TMEM217: variants seen among roughly 807,000 people sequenced by gnomAD.
TMEM217 encodes chromosome 6 open reading frame 128.
For synonymous variants in TMEM217, 76 were observed against 88.3 expected (o/e 0.86, Z 0.78); for missense variants, 204 against 248.8 (o/e 0.82, Z 1.21).
At chr6:37,216,860 G>T (rs995799974), downstream of TMEM217, among the ~76,000 whole-genome samples, 6 of 152,136 alleles carry the variant, frequency 3.9e-5, no homozygotes, top group Non-Finnish European at 8.8e-5. Context: ...CATCCCTTCT[G>T]CCATGTAAGG....
At chr6:37,239,970 T>G (rs1764683157) in intron 1 of TMEM217, among the ~76,000 whole-genome samples, 1 of 151,980 alleles carries the variant, frequency 6.6e-6, no homozygotes, top group Admixed American at 6.5e-5. Context: ...AACTAGAAAT[T>G]TATTTTCTTC....
At chr6:37,214,384 T>C (rs912197454), downstream of TMEM217, among the ~76,000 whole-genome samples, 1 of 152,128 alleles carries the variant, frequency 6.6e-6, no homozygotes, top group African/African-American at 2.4e-5. Flanking sequence ...TGCGCCAGCA[T>C]GCCCAGCTAA....
intron 1 of TMEM217, among the ~76,000 whole-genome samples, chr6:37,224,490 C>T (rs867412313): frequency 5.3e-5 from 8 of 151,474 alleles, no homozygotes; most frequent in East Asian, 2.0e-4. Flanking sequence ...CCCAGCTACT[C>T]GGGAGGCTGA....
intron 1 of TMEM217, among the ~76,000 whole-genome samples, chr6:37,229,337 T>TTTG (rs1764043117): frequency 2.5e-5 from 3 of 119,610 alleles, no homozygotes; most frequent in Non-Finnish European, 3.5e-5. Context: ...AACTTTCAGT[T>TTTG]TTTTTTTTTT....
chr6:37,217,723 C>G (rs1763290909), exon 2 of TMEM217: 1 of 985,198 alleles, frequency 1.0e-6, no homozygotes, highest in African/African-American at 1.7e-5. Flanking sequence ...CAAACCCACC[C>G]CAGGGCCAAC....
At chr6:37,214,599 C>T (rs1763085420), downstream of TMEM217, among the ~76,000 whole-genome samples, 2 of 152,194 alleles carry the variant, frequency 1.3e-5, no homozygotes, top group Non-Finnish European at 2.9e-5. Flanking sequence ...CCATTCTCCT[C>T]TTCCCCCGCT....
chr6:37,229,146 C>G (rs1764027171), intron 1 of TMEM217, among the ~76,000 whole-genome samples: 1 of 152,050 alleles, frequency 6.6e-6, no homozygotes, highest in South Asian at 2.1e-4. Flanking sequence ...TTGATAGTTT[C>G]AAGAGGGAGG....
chr6:37,212,451 A>G (rs1427067793), exon 4 of TMEM217: 3 of 440,790 alleles, frequency 6.8e-6, no homozygotes, highest in South Asian at 4.8e-5. Context: ...CCAGACGGAC[A>G]GGTAGTCATG....
intron 1 of TMEM217, among the ~76,000 whole-genome samples, chr6:37,254,504 T>C (rs572724284): frequency 6.6e-6 from 1 of 152,316 alleles, no homozygotes; most frequent in South Asian, 2.1e-4. Flanking sequence ...GAATACAATC[T>C]TTCTCAGAGA....
rs1764039962 is a variant in TMEM217, at chr6:37,229,335, G to GTTTC, written c.-11-10295_-11-10294insGAAA. Among the ~76,000 whole-genome samples the GTTTC allele has an allele frequency of 2.7e-5, 2 of 74,368 alleles. 1 individual carries two copies. The highest frequency in any genetic ancestry group is 4.7e-5 in the Non-Finnish European group (2 of 42,876). The allele number at this position is 74,368 out of a possible 152,430, so 48.8% of individuals were successfully genotyped here. A position where few individuals can be genotyped will look rare whatever the true frequency, so the allele number is the denominator to read the frequency against. On this transcript the variant is annotated intron_variant, in intron 1 of 1. Coordinates refer to ENST00000357219, the Ensembl canonical transcript of TMEM217. ...TGACTCGTCTCCCTAGCAACTTTCA[G>GTTTC]TTTTTTTTTTTTTTTTTTTTTTTTT...
intron 1 of TMEM217, among the ~76,000 whole-genome samples, chr6:37,219,976 A>C (rs1763418625): frequency 6.6e-6 from 1 of 152,222 alleles, no homozygotes; most frequent in South Asian, 2.1e-4. Flanking sequence ...CATACTTTAA[A>C]GGAAATTTAG....
downstream of TMEM217, among the ~76,000 whole-genome samples, chr6:37,217,374 T>C (rs1405103595): frequency 1.3e-5 from 2 of 152,264 alleles, no homozygotes; most frequent in Non-Finnish European, 2.9e-5. Context: ...TATGTAATCA[T>C]ATACTGTCTT....
rs1468413246 is a variant in TMEM217, at chr6:37,257,762, A to AG, written c.-207dup. ...CACCAATGGCAGCGGTGCTGGGTGG[A>AG]GGGGTGCCCACATCCAAGATGGCGT... is the stretch of plus-strand genomic sequence containing the variant. On this transcript the variant is annotated 5_prime_UTR_variant, in exon 1 of 2. The change creates a premature stop within an existing upstream ORF in the 5' untranslated region. Coordinates refer to ENST00000357219, the Ensembl canonical transcript of TMEM217. The AG allele has an allele frequency of 1.9e-5, 14 of 751,988 alleles. No homozygotes were observed. The highest frequency in any genetic ancestry group is 1.2e-4 in the South Asian group (7 of 56,994). The allele number at this position is 751,988 out of a possible 1,614,324, so 46.6% of individuals were successfully genotyped here. A position where few individuals can be genotyped will look rare whatever the true frequency, so the allele number is the denominator to read the frequency against.
chr6:37,243,303 C>T (rs1354418170), intron 1 of TMEM217, among the ~76,000 whole-genome samples: 1 of 152,154 alleles, frequency 6.6e-6, no homozygotes, highest in African/African-American at 2.4e-5. Flanking sequence ...CGTTTTCCAG[C>T]TTTCTGTGCA....
chr6:37,216,879 T>G (rs947837248), downstream of TMEM217, among the ~76,000 whole-genome samples: 1 of 152,196 alleles, frequency 6.6e-6, no homozygotes, highest in African/African-American at 2.4e-5. Flanking sequence ...GGACAGTGTT[T>G]GCACCATCTT....
downstream of TMEM217, chr6:37,215,347 C>T (rs1306380465): frequency 7.7e-6 from 12 of 1,551,494 alleles, no homozygotes; most frequent in South Asian, 1.1e-4. Context: ...AAACTTGAGG[C>T]AGGCGGATCA....
intron 1 of TMEM217, among the ~76,000 whole-genome samples, chr6:37,257,249 G>C (rs557129228): frequency 6.6e-6 from 1 of 152,272 alleles, no homozygotes; most frequent in South Asian, 2.1e-4. Flanking sequence ...CAGAGGGAGA[G>C]GGAGACTCTG....
intron 1 of TMEM217, among the ~76,000 whole-genome samples, chr6:37,221,678 G>A (rs1454398173): frequency 6.6e-6 from 1 of 152,160 alleles, no homozygotes; most frequent in Non-Finnish European, 1.5e-5. Flanking sequence ...GGATCTCTGG[G>A]GTGTCAATTT....
chr6:37,257,801 G>A, exon 1 of TMEM217: 1 of 1,138,730 alleles, frequency 8.8e-7, no homozygotes, highest in Non-Finnish European at 1.3e-6. Flanking sequence ...CAGGAGCTGG[G>A]AGCGGGTGAC....
Sources: allele counts gnomAD v4.1 joint callset (sites outside exome capture counted in the v4.1 genomes callset), GRCh38; gene constraint gnomAD v4.1.1; transcripts MANE v1.5; gene names NCBI Gene and HGNC (gene_info 2026-07-23, HGNC 2026-07-21).